SLC25A43: variants seen among roughly 807,000 people sequenced by gnomAD.
The protein encoded by SLC25A43 is solute carrier family 25 member 43, also known as solute carrier family 25, member 43.
A neutral mutation model predicts 22.8 loss-of-function variants in SLC25A43; 10 were observed. The observed-to-expected ratio is 0.44, with a 90% CI of 0.27 to 0.74. The LOEUF (loss-of-function observed/expected upper bound fraction) is 0.74. Ranked by LOEUF, SLC25A43 falls within the 30% of genes least tolerant of loss-of-function variation. The pLI is 0.17. For missense variants in SLC25A43, 233 were observed against 279.1 expected (o/e 0.83, Z 1.18); for synonymous variants, 106 against 121.6 (o/e 0.87, Z 0.84).
intron 1 of SLC25A43, 39 bp from the exon 2 acceptor site, chrX:119,406,421 T>G: frequency 8.3e-7 from 1 of 1,202,780 alleles, no homozygotes; most frequent in Non-Finnish European, 1.1e-6. Flanking sequence ...GCACAATCCA[T>G]AGTTGATTTC....
At chrX:119,418,701 G>T (rs1337900320) in intron 3 of SLC25A43, among the ~76,000 whole-genome samples, 1 of 112,075 alleles carries the variant, frequency 8.9e-6, no homozygotes, top group Non-Finnish European at 1.9e-5. Context: ...CTAGAGAATG[G>T]AGAGGTAAAT....
chrX:119,404,581 G>T (rs2052271633), intron 1 of SLC25A43, among the ~76,000 whole-genome samples: 1 of 111,408 alleles, frequency 9.0e-6, no homozygotes, highest in Non-Finnish European at 1.9e-5. Flanking sequence ...GTCCTCTCGG[G>T]TTTTTATGGA....
Position 119,435,232 on chromosome X carries a change from A to T in SLC25A43, c.691-16777A>T, listed in dbSNP as rs367958842. 4.8e-4 allele frequency among the ~76,000 whole-genome samples: 53 copies of T among 111,279 alleles called. No individual in the cohort carries two copies. The South Asian group carries it at 0.02, about 42-fold the overall frequency. On this transcript the variant is annotated intron_variant, in intron 3 of 4. Coordinates refer to ENST00000217909, the MANE Select transcript of SLC25A43 (RefSeq NM_145305.3). ...TACGAGCATGCTGGAACCACTTCCT[A>T]CTGGCTCAGGAGAACTGACTGTTAA...
chrX:119,424,427 G>A (rs1030556036), intron 3 of SLC25A43, among the ~76,000 whole-genome samples: 4 of 110,444 alleles, frequency 3.6e-5, no homozygotes, highest in African/African-American at 9.9e-5. Context: ...AGTAAGTGGC[G>A]AAGCTGGGAC....
intron 3 of SLC25A43, among the ~76,000 whole-genome samples, chrX:119,416,975 A>T (rs1462328381): frequency 8.9e-6 from 1 of 112,163 alleles, no homozygotes; most frequent in East Asian, 2.8e-4. Context: ...TCCTGGTCCT[A>T]AGAATTTCTC....
intron 3 of SLC25A43, among the ~76,000 whole-genome samples, chrX:119,414,410 T>G (rs951481889): frequency 4.5e-5 from 5 of 111,911 alleles, no homozygotes; most frequent in Admixed American, 1.9e-4. Flanking sequence ...TGTTTTGTTT[T>G]TTTAGACAGG....
chrX:119,424,225 AAAG>A (rs1425499105), intron 3 of SLC25A43, among the ~76,000 whole-genome samples: 1 of 110,158 alleles, frequency 9.1e-6, no homozygotes, highest in Admixed American at 9.7e-5. Flanking sequence ...AAAAAAAAAA[AAAG>A]AAAGAAATTA....
intron 4 of SLC25A43, among the ~76,000 whole-genome samples, chrX:119,452,500 A>C (rs1168690707): frequency 1.8e-5 from 2 of 110,880 alleles, no homozygotes; most frequent in African/African-American, 3.3e-5. Context: ...GACAAAAAAA[A>C]AAAAAAACAA....
At chrX:119,404,090 C>T (rs1216237377) in intron 1 of SLC25A43, among the ~76,000 whole-genome samples, 3 of 108,882 alleles carry the variant, frequency 2.8e-5, no homozygotes, top group Admixed American at 9.8e-5. Context: ...CTCTGCTTCC[C>T]GGATTCAAAC....
intron 3 of SLC25A43, among the ~76,000 whole-genome samples, chrX:119,413,725 T>A (rs1406490123): frequency 9.2e-6 from 1 of 108,778 alleles, no homozygotes; most frequent in Non-Finnish European, 1.9e-5. Flanking sequence ...AAAAAAAAAA[T>A]TAGTATCCTT....
intron 2 of SLC25A43, among the ~76,000 whole-genome samples, chrX:119,407,295 C>T (rs1052428017): frequency 3.6e-5 from 4 of 111,250 alleles, no homozygotes; most frequent in African/African-American, 1.3e-4. Flanking sequence ...ACATGTTGCT[C>T]TTCCCCTGGG....
At chrX:119,451,567 A>G (rs1193351152) in intron 3 of SLC25A43, among the ~76,000 whole-genome samples, 1 of 111,992 alleles carries the variant, frequency 8.9e-6, no homozygotes, top group Non-Finnish European at 1.9e-5. Context: ...GAATGCCACC[A>G]TCACAATGCT....
chrX:119,446,342 A>G (rs1172353726), intron 3 of SLC25A43, among the ~76,000 whole-genome samples: 2 of 110,864 alleles, frequency 1.8e-5, no homozygotes, highest in Non-Finnish European at 3.8e-5. Context: ...TGAGGGAAAG[A>G]GACAGGAAAC....
At chrX:119,415,026 T>A in intron 3 of SLC25A43, among the ~76,000 whole-genome samples, 1 of 107,037 alleles carries the variant, frequency 9.3e-6, no homozygotes, top group Middle Eastern at 4.7e-3. Context: ...TTCAAGCAAT[T>A]CTCTTGCCTC....
At chrX:119,419,695 A>G (rs2052436695) in intron 3 of SLC25A43, among the ~76,000 whole-genome samples, 2 of 111,504 alleles carry the variant, frequency 1.8e-5, no homozygotes, top group South Asian at 7.6e-4. Flanking sequence ...CTCTAACTTA[A>G]TGTGCATCAA....
At chrX:119,431,907 G>A (rs775866601) in intron 3 of SLC25A43, among the ~76,000 whole-genome samples, 340 of 110,540 alleles carry the variant, frequency 3.1e-3, no homozygotes, top group Non-Finnish European at 5.5e-3. Context: ...TAATTCCAGC[G>A]CTTTGGGAGG....
chrX:119,429,310 A>G (rs1023744656), intron 3 of SLC25A43, among the ~76,000 whole-genome samples: 1 of 111,278 alleles, frequency 9.0e-6, no homozygotes, highest in Non-Finnish European at 1.9e-5. Context: ...TCGGCCTCCC[A>G]AAGTGCTGGG....
intron 2 of SLC25A43, among the ~76,000 whole-genome samples, chrX:119,408,011 G>A (rs751342403): frequency 3.7e-4 from 41 of 110,637 alleles, no homozygotes; most frequent in African/African-American, 1.2e-3. Flanking sequence ...AGTCTTCCCC[G>A]TGCACTGCTG....
chrX:119,408,765 C>T (rs2052320655), intron 2 of SLC25A43, among the ~76,000 whole-genome samples: 1 of 111,683 alleles, frequency 9.0e-6, no homozygotes, highest in Admixed American at 9.6e-5. Flanking sequence ...TGTGAAAGTG[C>T]CACCTACTAT....
Sources: gnomAD v4.1 joint callset for allele counts (sites outside exome capture counted in the v4.1 genomes callset) on GRCh38, gnomAD v4.1.1 for gene constraint, MANE v1.5 for transcripts, NCBI Gene and HGNC (gene_info 2026-07-23, HGNC 2026-07-21) for gene names.